The following RFWD3 variants were observed in gnomAD, a reference collection of about 807,000 sequenced individuals.
RFWD3 encodes E3 ubiquitin-protein ligase RFWD3.
A neutral mutation model predicts 87.7 loss-of-function variants in RFWD3; 65 were observed. The observed-to-expected ratio is 0.74, with a 90% CI of 0.61 to 0.91. The LOEUF is 0.91. Ranked by LOEUF, RFWD3 falls within the 40% of genes least tolerant of loss-of-function variation. The pLI, the probability that RFWD3 is intolerant of heterozygous loss-of-function variation, is 0.00. For synonymous variants in RFWD3, 433 were observed against 352.8 expected, an observed-to-expected ratio of 1.23 and a Z score of -2.55; for missense variants, 1,078 against 938.5, an observed-to-expected ratio of 1.15 and a Z score of -1.94.
Position 74,621,720 on chromosome 16 carries a change from G to C in RFWD3, c.*2208C>G, listed in dbSNP as rs1372125090. 1.3e-5 allele frequency: 2 copies of C among 151,050 alleles called. No homozygotes were observed. Among genetic ancestry groups the C allele is most frequent in the South Asian group, 2.1e-4 (1 of 4,784 alleles). 9.4% of individuals were successfully genotyped at this position (151,050 alleles called of 1,614,324 possible). ...GTTTGTTTGTTTTTTTTGAGATGGA[G>C]TCTTGCTCTGTCACCGAGGCTGGAG... On this transcript the variant is annotated 3_prime_UTR_variant, in exon 13 of 13. Coordinates refer to ENST00000361070, the MANE Select transcript of RFWD3 (RefSeq NM_018124.4).
Position 74,661,221 on chromosome 16 carries a change from A to G in RFWD3, c.229T>C (p.Ser77Pro), listed in dbSNP as rs1597460318. Reference protein sequence around the residue: ...PPLLQPAPQLSVDLTEVEVLG... With the variant: ...PPLLQPAPQLPVDLTEVEVLG... ...ACCTCCACTTCTGTCAGGTCAACAG[A>G]CAGTTGCGGAGCAGGCTGGAGCAGG... is the stretch of plus-strand genomic sequence containing the variant. The change falls in exon 2 of 13, where the codon TCT (serine) becomes CCT (proline). Residue 77 changes from serine (S) to proline (P), a missense_variant. Ser to Pro is a moderately conservative substitution (Grantham distance 74). Coordinates refer to ENST00000361070, the MANE Select transcript of RFWD3 (RefSeq NM_018124.4). The G allele has an allele frequency of 1.2e-6, 2 of 1,614,230 alleles. No individual in the cohort carries two copies. Among genetic ancestry groups the G allele is most frequent in the East Asian group, 2.2e-5 (1 of 44,878 alleles).
At chr16:74,660,840 A>G in intron 2 of RFWD3, 92 bp downstream of exon 2, 2 of 1,449,948 alleles carry the variant, frequency 1.4e-6, no homozygotes, top group Non-Finnish European at 1.9e-6. Flanking sequence ...TGACTTGCCA[A>G]AAGTCACACT....
chr16:74,660,283 A>G (rs1242227657), intron 2 of RFWD3, among the ~76,000 whole-genome samples: 1 of 152,056 alleles, frequency 6.6e-6, no homozygotes, highest in Non-Finnish European at 1.5e-5. Flanking sequence ...ACAAAACAAA[A>G]CCAAAAACAG....
chr16:74,631,084 G>T, intron 9 of RFWD3, 127 bp from the exon 10 acceptor site: 2 of 732,338 alleles, frequency 2.7e-6, no homozygotes, highest in Non-Finnish European at 4.1e-6. Context: ...CAAACTATCT[G>T]GATTCCCTAT....
chr16:74,651,635 A>G (rs1305731587), intron 3 of RFWD3, among the ~76,000 whole-genome samples: 1 of 152,192 alleles, frequency 6.6e-6, no homozygotes, highest in East Asian at 1.9e-4. Flanking sequence ...AAAAAAGAAA[A>G]AAAAGAATCT....
intron 2 of RFWD3, among the ~76,000 whole-genome samples, chr16:74,653,325 A>G (rs1960712167): frequency 6.6e-6 from 1 of 152,026 alleles, no homozygotes; most frequent in Non-Finnish European, 1.5e-5. Flanking sequence ...TATCAGAGTG[A>G]GACTTGTCTC....
chr16:74,656,308 C>CAA (rs71158534), intron 2 of RFWD3, among the ~76,000 whole-genome samples: 3,511 of 63,308 alleles, frequency 0.055, 220 homozygotes, highest in Non-Finnish European at 0.069. Context: ...CTTGTCTTGC[C>CAA]AAAAAAAAAA....
rs774316866 is a variant in RFWD3, at chr16:74,644,570, G to C, written c.958C>G (p.Leu320Val). 6.8e-6 allele frequency: 11 copies of C among 1,614,134 alleles called. No homozygotes were observed. The highest frequency in any genetic ancestry group is 9.3e-6 in the Non-Finnish European group (11 of 1,180,038). ...GGACATTTTCGTACTTGTCCTTTAA[G>C]CCACGTGGAAATGCACCTATACCCA... The part of the protein sequence containing the change: ...LFGYRCISTW[L>V]KGQVRKCPQC... Residue 320 changes from leucine to valine, a missense_variant, in exon 5 of 13, where the codon CTT becomes GTT. Leu to Val is a conservative substitution (Grantham distance 32, BLOSUM62 1). Transcript: ENST00000361070.
intron 2 of RFWD3, among the ~76,000 whole-genome samples, chr16:74,656,251 A>G (rs1960965545): frequency 7.2e-6 from 1 of 138,018 alleles, no homozygotes. Flanking sequence ...GGCTGCAGTG[A>G]GCCATGATCA....
At chr16:74,645,740 A>ATTTT (rs1960072378) in intron 4 of RFWD3, among the ~76,000 whole-genome samples, 1 of 104,584 alleles carries the variant, frequency 9.6e-6, no homozygotes, top group African/African-American at 3.6e-5. Context: ...AGTCACAAAT[A>ATTTT]TTTTCTTTTT....
intron 4 of RFWD3, 124 bp from the exon 5 acceptor site, chr16:74,644,859 C>T: frequency 3.9e-6 from 3 of 765,782 alleles, no homozygotes; most frequent in Non-Finnish European, 6.2e-6. Context: ...CTACAGAACA[C>T]TTGTAACACC....
At chr16:74,633,593 G>C (rs1959167233) in intron 8 of RFWD3, among the ~76,000 whole-genome samples, 1 of 152,138 alleles carries the variant, frequency 6.6e-6, no homozygotes, top group Non-Finnish European at 1.5e-5. Flanking sequence ...GACTGCTGGG[G>C]ATGGGAGAGG....
chr16:74,656,763 A>T (rs1195568189), intron 2 of RFWD3, among the ~76,000 whole-genome samples: 2 of 152,154 alleles, frequency 1.3e-5, no homozygotes, highest in Non-Finnish European at 2.9e-5. Flanking sequence ...TTGGGGATCC[A>T]CCATCCTTGA....
intron 6 of RFWD3, among the ~76,000 whole-genome samples, chr16:74,643,728 T>G (rs921454942): frequency 1.5e-5 from 2 of 137,456 alleles, no homozygotes; most frequent in African/African-American, 2.9e-5. Flanking sequence ...CAGGCTGGAG[T>G]GCAGTGGTGC....
Position 74,623,731 on chromosome 16 carries a change from C to T in RFWD3, c.*197G>A, listed in dbSNP as rs528302589. On this transcript the variant is annotated 3_prime_UTR_variant, in exon 13 of 13. Transcript: ENST00000361070. The stretch of plus-strand genomic sequence containing the variant: ...ATGTAGATAAAGTACCCATCAATTA[C>T]TCTTTTAGTGGACATAACAGATACA... 1.1e-4 allele frequency: 56 copies of T among 532,442 alleles called. No homozygotes were observed. The highest frequency in any genetic ancestry group is 1.0e-3 in the African/African-American group (53 of 52,216). 33.0% of individuals were successfully genotyped at this position (532,442 alleles called of 1,614,324 possible).
At chr16:74,659,415 C>A (rs751517534) in intron 2 of RFWD3, among the ~76,000 whole-genome samples, 1 of 152,098 alleles carries the variant, frequency 6.6e-6, no homozygotes, top group African/African-American at 2.4e-5. Context: ...GCCTTTATAA[C>A]GTGAGTAATG....
In RFWD3 at chr16:74,662,474, A is replaced by G. The variant is rs191707618; in HGVS notation, c.-2-1023T>C. On this transcript the variant is annotated intron_variant, in intron 1 of 12. Coordinates refer to ENST00000361070, the MANE Select transcript of RFWD3 (RefSeq NM_018124.4). ...AGATTCTAGCAAGTAAGATGTCAAT[A>G]AACAAATACATGAAAAAAATTATAG... is the stretch of plus-strand genomic sequence containing the variant. 1.4e-4 allele frequency among the ~76,000 whole-genome samples: 22 copies of G among 152,358 alleles called. No homozygotes were observed. In the East Asian group the frequency reaches 3.1e-3, roughly 21 times the overall value.
intron 12 of RFWD3, among the ~76,000 whole-genome samples, chr16:74,624,676 C>T (rs944471716): frequency 2.8e-4 from 42 of 152,180 alleles, no homozygotes; most frequent in Non-Finnish European, 1.2e-4. Context: ...GGATTACAGG[C>T]GTGAGCCACC....
chr16:74,666,238 G>GAT (rs1567591903), intron 1 of RFWD3: 1 of 151,796 alleles, frequency 6.6e-6, no homozygotes, highest in Non-Finnish European at 1.5e-5. Flanking sequence ...TAGATACATA[G>GAT]ATATTAAATC....
Sources: allele counts gnomAD v4.1 joint callset (sites outside exome capture counted in the v4.1 genomes callset), GRCh38; gene constraint gnomAD v4.1.1; transcripts MANE v1.5; gene names NCBI Gene and HGNC (gene_info 2026-07-23, HGNC 2026-07-21).